Variants in SPAST observed in about 807,000 individuals in gnomAD.
SPAST encodes spastin.
Under a neutral mutation model 76.6 loss-of-function variants are expected in SPAST, and 30 were observed. The ratio of observed to expected loss-of-function variants is 0.39; its 90% CI spans 0.29 to 0.53. The LOEUF is 0.53. Ranked by LOEUF, SPAST falls within the 20% of genes least tolerant of loss-of-function variation. The probability of loss-of-function intolerance (pLI) is 0.68; values close to 1 mark genes in which losing one functional copy is unlikely to be tolerated. For missense variants in SPAST, 717 were observed against 770.5 expected (o/e 0.93, Z 0.82); for synonymous variants, 305 against 281.0 (o/e 1.09, Z -0.86).
chr2:32,106,388 T>G (rs536405269), intron 4 of SPAST, among the ~76,000 whole-genome samples: 1 of 152,284 alleles, frequency 6.6e-6, no homozygotes, highest in East Asian at 1.9e-4. Flanking sequence ...GGAGAGGGAA[T>G]TCCCCAACCC....
At chr2:32,134,476 T>A (rs369133273) in intron 9 of SPAST, among the ~76,000 whole-genome samples, 6 of 106,294 alleles carry the variant, frequency 5.6e-5, no homozygotes, top group Non-Finnish European at 1.1e-4. Context: ...AAAAAAAAAA[T>A]TTTTTTTTGT....
chr2:32,093,280 C>T (rs1417534370), intron 3 of SPAST, among the ~76,000 whole-genome samples: 1 of 131,662 alleles, frequency 7.6e-6, no homozygotes, highest in Non-Finnish European at 1.5e-5. Context: ...CACTGCACTC[C>T]AGCCTGGGTG....
chr2:32,093,430 A>G (rs906748351), intron 3 of SPAST, among the ~76,000 whole-genome samples: 1 of 151,974 alleles, frequency 6.6e-6, no homozygotes, highest in Non-Finnish European at 1.5e-5. Context: ...TGCAGTAAGC[A>G]GAGACCACAC....
Position 32,098,886 on chromosome 2 carries a change from A to T in SPAST, c.677A>T (p.Gln226Leu). Residue 226 changes from glutamine (Q) to leucine (L), a missense_variant, in exon 4 of 17, where the codon CAG (glutamine) becomes CTG (leucine). By Grantham distance (113) the Gln-to-Leu change is moderately radical. Coordinates refer to ENST00000315285, the MANE Select transcript of SPAST (RefSeq NM_014946.4). Reference sequence around the variant, plus strand: ...TTGGCATGCCGCAATGGACATCTCCAGTCAGGTGGGTTTAGGTTAACTAAC... The same window carrying T: ...TTGGCATGCCGCAATGGACATCTCCTGTCAGGTGGGTTTAGGTTAACTAAC... The part of the protein sequence containing the change: ...TNLACRNGHL[Q>L]SESGAVPKRK... 1 of 1,609,480 alleles carries T rather than the reference A, an allele frequency of 6.2e-7. No individual in the cohort carries two copies. Among genetic ancestry groups the T allele is most frequent in the Non-Finnish European group, 8.5e-7 (1 of 1,175,790 alleles).
At chr2:32,125,338 C>T (rs1573136163) in intron 7 of SPAST, among the ~76,000 whole-genome samples, 1 of 152,052 alleles carries the variant, frequency 6.6e-6, no homozygotes, top group African/African-American at 2.4e-5. Context: ...ATTCTCATGC[C>T]TCAACCTCCC....
At chr2:32,144,898 A>T (rs955981577) in intron 14 of SPAST, 39 bp from the exon 15 acceptor site, 5 of 1,446,510 alleles carry the variant, frequency 3.5e-6, no homozygotes, top group Non-Finnish European at 4.8e-6. Context: ...AAAAAGCGGG[A>T]GGGGAAATAA....
intron 4 of SPAST, among the ~76,000 whole-genome samples, chr2:32,106,363 G>T (rs928752663): frequency 6.6e-6 from 1 of 152,122 alleles, no homozygotes; most frequent in Non-Finnish European, 1.5e-5. Flanking sequence ...CATATGTCAC[G>T]GCTTCCCTTG....
chr2:32,112,659 G>GTT (rs201428152), intron 4 of SPAST, among the ~76,000 whole-genome samples: 18 of 144,428 alleles, frequency 1.2e-4, no homozygotes, highest in Admixed American at 8.3e-4. Context: ...TGTGGATTTT[G>GTT]TTTTTTTTTT....
At chr2:32,100,380 A>T (rs975787438) in intron 4 of SPAST, among the ~76,000 whole-genome samples, 3 of 144,112 alleles carry the variant, frequency 2.1e-5, no homozygotes, top group African/African-American at 7.7e-5. Flanking sequence ...ATTTAATATT[A>T]CTTTTTTCAA....
chr2:32,105,009 G>T (rs919691872), intron 4 of SPAST, among the ~76,000 whole-genome samples: 1 of 152,116 alleles, frequency 6.6e-6, no homozygotes, highest in Non-Finnish European at 1.5e-5. Context: ...GCCTTGCTAG[G>T]TTGGGGAACT....
chr2:32,081,786 A>AAAAAAAAAAAAAAAC (rs1677234810), intron 1 of SPAST, among the ~76,000 whole-genome samples: 1 of 146,736 alleles, frequency 6.8e-6, no homozygotes, highest in Non-Finnish European at 1.5e-5. Context: ...ACTGTCAAAA[A>AAAAAAAAAAAAAAAC]AAAAAAAAAA....
intron 1 of SPAST, among the ~76,000 whole-genome samples, chr2:32,080,480 G>A (rs144513984): frequency 2.6e-4 from 27 of 103,222 alleles, no homozygotes; most frequent in Admixed American, 6.9e-4. Context: ...GTGGTTGTAA[G>A]TTTCTGCCAC....
rs1677631154 is a variant in SPAST, at chr2:32,089,611, A to T, written c.586+6A>T. On this transcript the variant is annotated splice_donor_region_variant and intron_variant, in intron 3 of 16. Coordinates refer to ENST00000315285, the MANE Select transcript of SPAST (RefSeq NM_014946.4). ...GGACCGCTTACAACTTCTAGGTATCAATTAATGTATAATTTGATGTGGGAT... is the reference window on the plus strand; with the variant it reads ...GGACCGCTTACAACTTCTAGGTATCTATTAATGTATAATTTGATGTGGGAT... The T allele has an allele frequency of 2.1e-6, 3 of 1,453,306 alleles. No individual in the cohort carries two copies. The East Asian group carries it at 6.8e-5, about 33-fold the overall frequency. 90.0% of individuals were successfully genotyped at this position (1,453,306 alleles called of 1,614,324 possible).
chr2:32,151,938 C>T (rs1256525195), intron 16 of SPAST, among the ~76,000 whole-genome samples: 1 of 150,968 alleles, frequency 6.6e-6, no homozygotes, highest in Admixed American at 6.6e-5. Flanking sequence ...AAAAACCCAA[C>T]TTATCTTTTA....
intron 1 of SPAST, among the ~76,000 whole-genome samples, chr2:32,075,547 C>CTTTTTTTTTTTTTTTTT (rs773998404): frequency 1.2e-5 from 1 of 85,494 alleles, no homozygotes; most frequent in Non-Finnish European, 2.1e-5. Flanking sequence ...TGGCTTTTTT[C>CTTTTTTTTTTTTTTTTT]TTTTTTTTTT....
At chr2:32,146,266 G>A (rs1679882218) in intron 15 of SPAST, among the ~76,000 whole-genome samples, 1 of 152,126 alleles carries the variant, frequency 6.6e-6, no homozygotes, top group African/African-American at 2.4e-5. Flanking sequence ...ATCCATTAAA[G>A]TACAGAAAAT....
chr2:32,097,819 G>T (rs949031562), intron 3 of SPAST, among the ~76,000 whole-genome samples: 9 of 149,834 alleles, frequency 6.0e-5, no homozygotes, highest in Admixed American at 1.3e-4. Flanking sequence ...TCAGCTTCCC[G>T]AGTAGTTGGG....
At chr2:32,117,819 A>T (rs7574000) in intron 7 of SPAST, among the ~76,000 whole-genome samples, 1 of 151,994 alleles carries the variant, frequency 6.6e-6, no homozygotes, top group East Asian at 1.9e-4. Flanking sequence ...GGCAGAGGCC[A>T]CTGTGCCTGG....
intron 4 of SPAST, among the ~76,000 whole-genome samples, chr2:32,111,991 GTAGTAGTAGTAGTAGTAGTAGT>G (rs1166296296): frequency 2.0e-5 from 3 of 146,620 alleles, no homozygotes; most frequent in African/African-American, 7.7e-5. Context: ...AGTAGTAGTA[GTAGTAGTAGTAGTAGTAGTAGT>G]TTTTTTTTTT....
Sources: gnomAD v4.1 joint callset for allele counts (sites outside exome capture counted in the v4.1 genomes callset) on GRCh38, gnomAD v4.1.1 for gene constraint, MANE v1.5 for transcripts, NCBI Gene and HGNC (gene_info 2026-07-23, HGNC 2026-07-21) for gene names.